Variants in REEP5 observed in about 807,000 individuals in gnomAD.
The protein encoded by REEP5 is receptor expression-enhancing protein 5.
A neutral mutation model predicts 22.4 loss-of-function variants in REEP5; 24 were observed. The ratio of observed to expected loss-of-function variants is 1.07; its 90% CI spans 0.78 to 1.51. REEP5 has a LOEUF of 1.51. REEP5 is among the 40% of genes most tolerant of loss of function. The probability of loss-of-function intolerance (pLI) is 0.00; values close to 1 mark genes in which losing one functional copy is unlikely to be tolerated. For synonymous variants in REEP5, 103 were observed against 88.6 expected, an observed-to-expected ratio of 1.16 and a Z score of -0.92; for missense variants, 252 against 233.0, an observed-to-expected ratio of 1.08 and a Z score of -0.53.
rs780917971 is a variant in REEP5, at chr5:112,887,150, G to A, written c.385C>T (p.Pro129Ser). Residue 129 changes from proline (P) to serine (S), a missense_variant, in exon 4 of 5, where the codon CCT becomes TCT. Physicochemically the swap from Pro to Ser is moderately conservative, Grantham distance 74 (BLOSUM62 -1). Transcript: ENST00000379638. ...GFLLWCMAPSPSNGAELLYKR... is the reference protein window; with the variant it reads ...GFLLWCMAPSSSNGAELLYKR... ...TAGAGCAGTTCAGCCCCATTAGAAG[G>A]GCTCGGGGCCATGCACCACAACAGG... is the stretch of plus-strand genomic sequence containing the variant. The A allele has an allele frequency of 5.0e-6, 8 of 1,608,924 alleles. No homozygotes were observed. The highest frequency in any genetic ancestry group is 1.3e-5 in the African/African-American group (1 of 74,858).
intron 3 of REEP5, among the ~76,000 whole-genome samples, chr5:112,899,902 A>C (rs551869498): frequency 6.6e-6 from 1 of 152,372 alleles, no homozygotes; most frequent in African/African-American, 2.4e-5. Flanking sequence ...TAAATGCTCC[A>C]ATGAGCATTT....
chr5:112,881,496 C>G (rs968601956), intron 4 of REEP5, among the ~76,000 whole-genome samples: 1 of 152,176 alleles, frequency 6.6e-6, no homozygotes, highest in Non-Finnish European at 1.5e-5. Flanking sequence ...CGAATGTTTC[C>G]TTTACCTTCT....
intron 2 of REEP5, among the ~76,000 whole-genome samples, chr5:112,909,236 T>C (rs1475011829): frequency 1.4e-5 from 2 of 147,892 alleles, no homozygotes; most frequent in South Asian, 2.2e-4. Flanking sequence ...TGTTCACCTA[T>C]CTAGTATGGA....
intron 4 of REEP5, chr5:112,882,162 C>T (rs1462684525): frequency 1.3e-5 from 2 of 152,974 alleles, no homozygotes; most frequent in Non-Finnish European, 2.9e-5. Flanking sequence ...TTCCTCCCCT[C>T]CAATAACCCT....
intron 3 of REEP5, chr5:112,892,033 CAGG>C (rs757920678): frequency 6.3e-6 from 9 of 1,420,594 alleles, no homozygotes; most frequent in East Asian, 4.6e-5. Context: ...GCAGAAACAA[CAGG>C]AGAAGAAAGA....
chr5:112,886,986 T>G (rs1214555404), intron 4 of REEP5, 29 bp downstream of exon 4: 1 of 1,539,664 alleles, frequency 6.5e-7, no homozygotes, highest in Non-Finnish European at 8.9e-7. Context: ...TCCTCTCACA[T>G]GTGGGGCCAT....
rs138613667 is a variant in REEP5 at position 112,913,701 on chromosome 5, AAG to A, written c.212+7460_212+7461del. 8.2e-3 allele frequency among the ~76,000 whole-genome samples: 1,245 copies of A among 152,256 alleles called. 17 individuals are homozygous for A. The highest frequency in any genetic ancestry group is 0.028 in the African/African-American group (1,164 of 41,536). ...CATTTTGTTTTTAAATGCAAAATGGAAGAGTCAGTCACAGTCAAATATAACAA... is the reference window on the plus strand; with the variant it reads ...CATTTTGTTTTTAAATGCAAAATGGAAGTCAGTCACAGTCAAATATAACAA... On this transcript the variant is annotated intron_variant, in intron 2 of 4. Transcript: ENST00000379638.
At chr5:112,912,493 T>A (rs529704227) in intron 2 of REEP5, among the ~76,000 whole-genome samples, 1 of 152,328 alleles carries the variant, frequency 6.6e-6, no homozygotes, top group African/African-American at 2.4e-5. Flanking sequence ...TATATATGGA[T>A]AAAAAGCTTT....
chr5:112,887,235 T>C (rs780674225), intron 3 of REEP5, 52 bp from the exon 4 acceptor site: 4 of 1,467,380 alleles, frequency 2.7e-6, no homozygotes, highest in Non-Finnish European at 3.7e-6. Flanking sequence ...GGGGGCACAT[T>C]CTGAGAATAC....
At position 112,877,731 on chromosome 5, in the gene REEP5, G is replaced by A. The variant is rs1767940918; in HGVS notation, c.*1055C>T. 1 of 152,108 alleles carries A rather than the reference G, an allele frequency of 6.6e-6. No homozygotes were observed. The highest frequency in any genetic ancestry group is 1.5e-5 in the Non-Finnish European group (1 of 68,020). 9.4% of individuals were successfully genotyped at this position (152,108 alleles called of 1,614,324 possible). On this transcript the variant is annotated 3_prime_UTR_variant, in exon 5 of 5. Transcript: ENST00000379638. ...CTCTTAGAGCTAGGTGTCGTCATTA[G>A]CATGTTGTTGCTAATGATACAAACA...
intron 2 of REEP5, among the ~76,000 whole-genome samples, chr5:112,914,046 G>C (rs1215657851): frequency 6.6e-6 from 1 of 151,608 alleles, no homozygotes; most frequent in Non-Finnish European, 1.5e-5. Context: ...AGAAGCTGAA[G>C]TGGGAGAATC....
At chr5:112,890,955 G>C (rs1475257982) in intron 3 of REEP5, among the ~76,000 whole-genome samples, 1 of 150,694 alleles carries the variant, frequency 6.6e-6, no homozygotes, top group Non-Finnish European at 1.5e-5. Context: ...GACTTTCTCT[G>C]ACCCAAGAAT....
chr5:112,901,649 T>G (rs1184541586), intron 3 of REEP5, among the ~76,000 whole-genome samples: 2 of 150,744 alleles, frequency 1.3e-5, no homozygotes, highest in African/African-American at 4.9e-5. Context: ...GATGCGGAGG[T>G]TGCAGTGAGC....
At chr5:112,918,288 C>T (rs530734547) in intron 2 of REEP5, among the ~76,000 whole-genome samples, 2 of 152,236 alleles carry the variant, frequency 1.3e-5, no homozygotes, top group South Asian at 2.1e-4. Context: ...ACTGGTTGCT[C>T]CCCAGTGAGC....
At chr5:112,906,037 A>G (rs771870429) in intron 2 of REEP5, among the ~76,000 whole-genome samples, 7 of 152,226 alleles carry the variant, frequency 4.6e-5, no homozygotes, top group Non-Finnish European at 1.0e-4. Context: ...AACTTGGTGT[A>G]TCAGAATAAA....
chr5:112,884,306 G>A (rs975040088), intron 4 of REEP5, among the ~76,000 whole-genome samples: 1 of 151,352 alleles, frequency 6.6e-6, no homozygotes, highest in Non-Finnish European at 1.5e-5. Flanking sequence ...CACTTCTTTT[G>A]TTGCTCCCAC....
intron 2 of REEP5, among the ~76,000 whole-genome samples, chr5:112,908,443 A>T (rs1410255855): frequency 2.0e-5 from 3 of 152,102 alleles, no homozygotes; most frequent in African/African-American, 7.2e-5. Flanking sequence ...CTATGAGACT[A>T]GTTTTCTCTA....
At chr5:112,900,671 G>C (rs1327996048) in intron 3 of REEP5, among the ~76,000 whole-genome samples, 1 of 152,020 alleles carries the variant, frequency 6.6e-6, no homozygotes, top group African/African-American at 2.4e-5. Flanking sequence ...TATGGTTCCT[G>C]TGTGCCTGGG....
At chr5:112,906,338 T>C (rs1768955682) in intron 2 of REEP5, among the ~76,000 whole-genome samples, 1 of 152,224 alleles carries the variant, frequency 6.6e-6, no homozygotes. Context: ...CTTTGTTCAC[T>C]ATCCTATGCT....
Sources: allele counts gnomAD v4.1 joint callset (sites outside exome capture counted in the v4.1 genomes callset), GRCh38; gene constraint gnomAD v4.1.1; transcripts MANE v1.5; gene names NCBI Gene and HGNC (gene_info 2026-07-23, HGNC 2026-07-21).